The following CHCHD6 variants were observed in gnomAD, a reference collection of about 807,000 sequenced individuals.
The protein encoded by CHCHD6 is MICOS complex subunit MIC25.
A neutral mutation model predicts 32.3 loss-of-function variants in CHCHD6; 28 were observed. The ratio of observed to expected loss-of-function variants is 0.87; its 90% CI spans 0.64 to 1.19. The LOEUF (loss-of-function observed/expected upper bound fraction) is 1.19, where lower values mean the gene tolerates loss of function less well. Ranked by LOEUF, CHCHD6 falls within the 50% of genes most tolerant of loss-of-function variation. CHCHD6 has a pLI of 0.00. For synonymous variants in CHCHD6, 122 were observed against 117.5 expected (o/e 1.04, Z -0.25); for missense variants, 333 against 307.0 (o/e 1.08, Z -0.63).
intron 5 of CHCHD6, chr3:126,865,788 T>C: frequency 1.0e-6 from 1 of 954,476 alleles, no homozygotes; most frequent in Non-Finnish European, 1.2e-6. Context: ...TCTACTACTT[T>C]GCAGAAATCC....
chr3:126,951,543 G>A (rs886638882), intron 6 of CHCHD6, among the ~76,000 whole-genome samples: 2 of 152,216 alleles, frequency 1.3e-5, no homozygotes, highest in Non-Finnish European at 2.9e-5. Context: ...GAAACTTATG[G>A]ATAGTGGACC....
intron 5 of CHCHD6, among the ~76,000 whole-genome samples, chr3:126,878,473 C>T (rs913318798): frequency 2.0e-5 from 3 of 152,038 alleles, no homozygotes; most frequent in South Asian, 2.1e-4. Context: ...AGGGCTCCCA[C>T]GAGCCACACT....
chr3:126,858,899 T>A (rs1412605806), intron 5 of CHCHD6, among the ~76,000 whole-genome samples: 2 of 152,292 alleles, frequency 1.3e-5, no homozygotes, highest in East Asian at 1.9e-4. Context: ...TACACCTCAC[T>A]GGAGTGCCCC....
chr3:126,841,163 C>A (rs895931317), intron 4 of CHCHD6, among the ~76,000 whole-genome samples: 2 of 151,896 alleles, frequency 1.3e-5, no homozygotes, highest in Admixed American at 6.6e-5. Flanking sequence ...TTTGTTCTTG[C>A]AATAGCTCAC....
intron 4 of CHCHD6, among the ~76,000 whole-genome samples, chr3:126,776,579 C>T (rs941783024): frequency 6.6e-6 from 1 of 152,128 alleles, no homozygotes; most frequent in African/African-American, 2.4e-5. Context: ...AGGCATAGGA[C>T]CTTGAGGGCA....
At chr3:126,743,164 C>T (rs767472913) in intron 4 of CHCHD6, among the ~76,000 whole-genome samples, 2 of 152,162 alleles carry the variant, frequency 1.3e-5, no homozygotes, top group African/African-American at 4.8e-5. Context: ...TGCTCAGATT[C>T]AAGTGTGGGG....
rs145218147 is a variant in CHCHD6 at position 126,903,430 on chromosome 3, C to G, written c.496-11250C>G. 1.9e-4 allele frequency among the ~76,000 whole-genome samples: 29 copies of G among 152,262 alleles called. No homozygotes were observed. In the East Asian group the frequency reaches 5.6e-3, roughly 29 times the overall value. On this transcript the variant is annotated intron_variant, in intron 5 of 7. Transcript: ENST00000290913. ...TTTTTTCTACTCTTCTACTCTGTTA[C>G]AGAGAATTGTAGCAATCCACACCAT...
At chr3:126,954,513 G>A (rs1450970976) in intron 6 of CHCHD6, among the ~76,000 whole-genome samples, 5 of 152,336 alleles carry the variant, frequency 3.3e-5, no homozygotes, top group East Asian at 1.9e-4. Context: ...CTTAGCCTCC[G>A]CCTGTCCTGT....
intron 1 of CHCHD6, among the ~76,000 whole-genome samples, chr3:126,705,801 CTT>C (rs987866593): frequency 1.3e-5 from 2 of 151,944 alleles, no homozygotes; most frequent in Non-Finnish European, 2.9e-5. Context: ...GTAAAAAACT[CTT>C]TTGAGCCTCA....
chr3:126,850,908 C>A (rs560665571), intron 4 of CHCHD6, among the ~76,000 whole-genome samples: 2 of 152,282 alleles, frequency 1.3e-5, no homozygotes, highest in East Asian at 3.9e-4. Context: ...GCATTTAGTC[C>A]CACTGTTTGT....
At position 126,861,594 on chromosome 3, in the gene CHCHD6, C is replaced by G. The variant is rs73203700; in HGVS notation, c.495+8864C>G. Among the ~76,000 whole-genome samples, 1,210 of 151,748 alleles carry G rather than the reference C, an allele frequency of 8.0e-3. 8 individuals carry two copies. The highest frequency in any genetic ancestry group is 0.014 in the Middle Eastern group (4 of 294). On this transcript the variant is annotated intron_variant, in intron 5 of 7. Transcript: ENST00000290913. ...CATCCTCCTCATCCTCCATCACTAC[C>G]TCCACCATTACCACCTCCTCCTCCA...
intron 4 of CHCHD6, among the ~76,000 whole-genome samples, chr3:126,836,653 C>A (rs1403638654): frequency 1.3e-5 from 2 of 152,214 alleles, no homozygotes; most frequent in African/African-American, 4.8e-5. Flanking sequence ...AGTGGGGACA[C>A]TGACCGGGAG....
chr3:126,832,645 T>C (rs1940690935), intron 4 of CHCHD6, among the ~76,000 whole-genome samples: 1 of 152,194 alleles, frequency 6.6e-6, no homozygotes, highest in African/African-American at 2.4e-5. Context: ...ACAGGAAGAC[T>C]GGAGAGTCTT....
At chr3:126,911,687 G>A (rs927614387) in intron 5 of CHCHD6, among the ~76,000 whole-genome samples, 1 of 152,252 alleles carries the variant, frequency 6.6e-6, no homozygotes, top group Non-Finnish European at 1.5e-5. Context: ...TTGACCACAT[G>A]TTCAAACTGA....
intron 4 of CHCHD6, among the ~76,000 whole-genome samples, chr3:126,759,021 G>A (rs1319511863): frequency 6.6e-6 from 1 of 152,212 alleles, no homozygotes; most frequent in African/African-American, 2.4e-5. Flanking sequence ...ACCTCTTGCT[G>A]TCAGCTCACC....
chr3:126,718,267 A>G (rs942163078), intron 1 of CHCHD6, among the ~76,000 whole-genome samples: 3 of 152,222 alleles, frequency 2.0e-5, no homozygotes, highest in African/African-American at 4.8e-5. Context: ...TATGTACCCA[A>G]TATGTGCCTG....
chr3:126,827,904 C>T (rs1322438117), intron 4 of CHCHD6, among the ~76,000 whole-genome samples: 1 of 152,162 alleles, frequency 6.6e-6, no homozygotes, highest in East Asian at 1.9e-4. Context: ...CAAATTCTTG[C>T]TCCCTTCTCA....
chr3:126,859,746 C>A (rs558816695), intron 5 of CHCHD6, among the ~76,000 whole-genome samples: 1 of 152,296 alleles, frequency 6.6e-6, no homozygotes, highest in Admixed American at 6.5e-5. Context: ...ACTCCAGAGC[C>A]CGCTCTTCCA....
At chr3:126,919,016 G>T (rs151208272) in intron 6 of CHCHD6, among the ~76,000 whole-genome samples, 1 of 152,148 alleles carries the variant, frequency 6.6e-6, no homozygotes, top group African/African-American at 2.4e-5. Context: ...GGGTTTTCTA[G>T]TTACATTTTT....
Sources: allele counts gnomAD v4.1 joint callset (sites outside exome capture counted in the v4.1 genomes callset), GRCh38; gene constraint gnomAD v4.1.1; transcripts MANE v1.5; gene names NCBI Gene and HGNC (gene_info 2026-07-23, HGNC 2026-07-21).